The following FBXL17 variants were observed in gnomAD, a reference collection of about 807,000 sequenced individuals.
The protein encoded by FBXL17 is F-box/LRR-repeat protein 17.
A neutral mutation model predicts 66.2 loss-of-function variants in FBXL17; 22 were observed. That is an observed-to-expected ratio of 0.33 (90% confidence interval 0.24 to 0.47). FBXL17 has a LOEUF of 0.47. Ranked by LOEUF, FBXL17 falls within the 20% of genes least tolerant of loss-of-function variation. The probability of loss-of-function intolerance (pLI) is 1.00; values close to 1 mark genes in which losing one functional copy is unlikely to be tolerated. For synonymous variants in FBXL17, 474 were observed against 400.5 expected (o/e 1.18, Z -2.19); for missense variants, 878 against 948.2 (o/e 0.93, Z 0.97).
intron 5 of FBXL17, among the ~76,000 whole-genome samples, chr5:108,188,031 TTTTA>T (rs1215422769): frequency 2.0e-5 from 3 of 152,202 alleles, no homozygotes; most frequent in Non-Finnish European, 4.4e-5. Context: ...GAACTTTTAA[TTTTA>T]TTTAATTTTA....
intron 6 of FBXL17, among the ~76,000 whole-genome samples, chr5:108,170,192 T>C (rs549228839): frequency 1.8e-4 from 27 of 152,184 alleles, no homozygotes; most frequent in African/African-American, 6.3e-4. Context: ...TAAATTCAAG[T>C]TAAAAGGAAA....
chr5:108,297,563 C>T (rs1311802589), intron 4 of FBXL17, among the ~76,000 whole-genome samples: 2 of 151,548 alleles, frequency 1.3e-5, no homozygotes, highest in Admixed American at 6.6e-5. Context: ...ATCACATTAA[C>T]TGTTTATTCT....
chr5:108,071,561 C>T (rs1328599399), intron 6 of FBXL17, among the ~76,000 whole-genome samples: 3 of 152,118 alleles, frequency 2.0e-5, no homozygotes, highest in African/African-American at 7.2e-5. Context: ...TGTCCCCTTT[C>T]CCACCTCCTT....
In FBXL17 at chr5:108,181,969, T is replaced by C. The variant is rs1465667569; in HGVS notation, c.1745+4148A>G. On this transcript the variant is annotated intron_variant, in intron 6 of 8. Coordinates refer to ENST00000542267, the MANE Select transcript of FBXL17 (RefSeq NM_001163315.3). ...AGAAATGGTCTAAATTTAATAGAAA[T>C]AGTATGACCTTCCCCTGAACAAAAG... Among the ~76,000 whole-genome samples the C allele has an allele frequency of 2.0e-5, 3 of 152,146 alleles. No individual in the cohort carries two copies. In the South Asian group the frequency reaches 6.2e-4, roughly 32 times the overall value.
At chr5:108,308,249 G>T (rs963723299) in intron 4 of FBXL17, among the ~76,000 whole-genome samples, 25 of 152,106 alleles carry the variant, frequency 1.6e-4, no homozygotes, top group African/African-American at 6.0e-4. Context: ...AATAGTAGTA[G>T]AAATAACAAT....
chr5:108,240,677 C>T (rs1157634638), intron 4 of FBXL17, among the ~76,000 whole-genome samples: 2 of 152,182 alleles, frequency 1.3e-5, no homozygotes, highest in African/African-American at 4.8e-5. Context: ...GCTTGACCAT[C>T]TACTGATTGT....
At chr5:108,083,044 T>C (rs1426758004) in intron 6 of FBXL17, among the ~76,000 whole-genome samples, 1 of 152,166 alleles carries the variant, frequency 6.6e-6, no homozygotes, top group Non-Finnish European at 1.5e-5. Context: ...CTGTTGTCCA[T>C]GACTGAAGAG....
intron 6 of FBXL17, among the ~76,000 whole-genome samples, chr5:108,033,965 A>G (rs1044602254): frequency 5.3e-5 from 8 of 152,336 alleles, no homozygotes; most frequent in Admixed American, 2.6e-4. Context: ...GAAAAAGTGT[A>G]CAAGACATAA....
intron 5 of FBXL17, among the ~76,000 whole-genome samples, chr5:108,203,477 G>T (rs1192349385): frequency 6.6e-6 from 1 of 152,008 alleles, no homozygotes; most frequent in Non-Finnish European, 1.5e-5. Context: ...TTGATTTTTG[G>T]CTCAACTCTT....
At chr5:108,023,894 A>G (rs939665359) in intron 6 of FBXL17, among the ~76,000 whole-genome samples, 6 of 152,182 alleles carry the variant, frequency 3.9e-5, no homozygotes, top group Admixed American at 2.0e-4. Context: ...AAGGAGAGTG[A>G]CAGAACCAAA....
intron 6 of FBXL17, among the ~76,000 whole-genome samples, chr5:108,038,396 A>C (rs1417874716): frequency 6.6e-6 from 1 of 152,044 alleles, no homozygotes; most frequent in Admixed American, 6.6e-5. Context: ...CGCCAAAAAA[A>C]CCCTCAAAGT....
At chr5:108,267,122 T>A (rs922734257) in intron 4 of FBXL17, among the ~76,000 whole-genome samples, 1 of 152,052 alleles carries the variant, frequency 6.6e-6, no homozygotes, top group Non-Finnish European at 1.5e-5. Context: ...TAGCATAATA[T>A]ATTCAGGATT....
chr5:108,068,457 T>C (rs1294055115), intron 6 of FBXL17, among the ~76,000 whole-genome samples: 2 of 61,276 alleles, frequency 3.3e-5, no homozygotes, highest in South Asian at 8.8e-4. Context: ...TTTTCTTTTT[T>C]TGGGGGGGGG....
chr5:108,227,274 T>C (rs768002176), intron 4 of FBXL17, among the ~76,000 whole-genome samples: 1 of 152,122 alleles, frequency 6.6e-6, no homozygotes, highest in Non-Finnish European at 1.5e-5. Flanking sequence ...ACACTGACAG[T>C]GTTTTGTATT....
At chr5:108,032,206 A>C (rs933661754) in intron 6 of FBXL17, among the ~76,000 whole-genome samples, 2 of 152,158 alleles carry the variant, frequency 1.3e-5, no homozygotes, top group African/African-American at 4.8e-5. Context: ...GACATATGCA[A>C]GAAACAGTAA....
chr5:108,268,263 G>C (rs1007848784), intron 4 of FBXL17, among the ~76,000 whole-genome samples: 1 of 151,970 alleles, frequency 6.6e-6, no homozygotes, highest in Non-Finnish European at 1.5e-5. Context: ...GCAACAAGAG[G>C]TAGGTAGGGA....
chr5:108,283,820 C>CA (rs1206103011), intron 4 of FBXL17, among the ~76,000 whole-genome samples: 3 of 151,654 alleles, frequency 2.0e-5, no homozygotes, highest in Non-Finnish European at 3.0e-5. Flanking sequence ...ACAAAGAACT[C>CA]AAACAGCTCA....
At chr5:107,891,658 A>G (rs779697659) in intron 7 of FBXL17, among the ~76,000 whole-genome samples, 35 of 152,064 alleles carry the variant, frequency 2.3e-4, no homozygotes, top group Non-Finnish European at 4.0e-4. Flanking sequence ...AGAAAAAAAA[A>G]TTTTCTTGGC....
intron 6 of FBXL17, among the ~76,000 whole-genome samples, chr5:108,109,065 G>A (rs770847361): frequency 2.4e-4 from 37 of 152,210 alleles, no homozygotes; most frequent in Non-Finnish European, 2.5e-4. Flanking sequence ...TTACAGGCGT[G>A]AGCCACTGCG....
Sources: allele counts gnomAD v4.1 joint callset (sites outside exome capture counted in the v4.1 genomes callset), GRCh38; gene constraint gnomAD v4.1.1; transcripts MANE v1.5; gene names NCBI Gene and HGNC (gene_info 2026-07-23, HGNC 2026-07-21).